Variants in CCDC39 observed in about 807,000 individuals in gnomAD.
CCDC39 encodes coiled-coil domain-containing protein 39.
Under a neutral mutation model 121.0 loss-of-function variants are expected in CCDC39, and 113 were observed. The observed-to-expected ratio is 0.93, with a 90% CI of 0.80 to 1.09. The LOEUF is 1.09. Ranked by LOEUF, CCDC39 falls within the 50% of genes least tolerant of loss-of-function variation. The pLI is 0.00. For missense variants in CCDC39, 1,063 were observed against 1,074.7 expected (o/e 0.99, Z 0.15); for synonymous variants, 349 against 352.2 (o/e 0.99, Z 0.10).
chr3:180,620,043 G>A, intron 14 of CCDC39, 73 bp from the exon 15 acceptor site: 1 of 1,199,232 alleles, frequency 8.3e-7, no homozygotes, highest in Non-Finnish European at 1.1e-6. Flanking sequence ...GGCTGTCTTT[G>A]GAGCAGAAAA....
intron 1 of CCDC39, among the ~76,000 whole-genome samples, chr3:180,670,981 G>C (rs570345280): frequency 2.0e-5 from 3 of 152,184 alleles, no homozygotes; most frequent in African/African-American, 7.2e-5. Context: ...GGAGGCCAAG[G>C]CTGGCAGATC....
intron 6 of CCDC39, among the ~76,000 whole-genome samples, chr3:180,658,031 C>T (rs1380139702): frequency 4.0e-5 from 6 of 149,630 alleles, no homozygotes; most frequent in African/African-American, 1.5e-4. Context: ...GTCAGGAGTT[C>T]GAGACCAGCC....
At chr3:180,615,950 T>C (rs961821666) in intron 19 of CCDC39, among the ~76,000 whole-genome samples, 1 of 152,174 alleles carries the variant, frequency 6.6e-6, no homozygotes, top group African/African-American at 2.4e-5. Context: ...TTTAAAAAAA[T>C]TCCCCCAACT....
At chr3:180,615,955 C>T (rs986879985) in intron 19 of CCDC39, among the ~76,000 whole-genome samples, 2 of 152,144 alleles carry the variant, frequency 1.3e-5, no homozygotes, top group African/African-American at 4.8e-5. Context: ...AAAAATTCCC[C>T]CAACTTGGGG....
chr3:180,652,293 T>C (rs1211563308), intron 7 of CCDC39, 27 bp from the exon 8 acceptor site: 3 of 1,285,820 alleles, frequency 2.3e-6, no homozygotes, highest in South Asian at 1.5e-5. Flanking sequence ...AGACAGAAAT[T>C]ATATATTTAC....
chr3:180,654,632 A>G (rs1187531616), intron 7 of CCDC39, 130 bp downstream of exon 7: 49 of 561,248 alleles, frequency 8.7e-5, no homozygotes, highest in Non-Finnish European at 1.3e-4. Flanking sequence ...ATTAAAAAAA[A>G]AAAAAGAAAA....
intron 1 of CCDC39, among the ~76,000 whole-genome samples, chr3:180,666,311 AG>A (rs1711876072): frequency 6.6e-6 from 1 of 152,212 alleles, no homozygotes; most frequent in South Asian, 2.1e-4. Flanking sequence ...GTTTTGGTAT[AG>A]TACATGATCC....
At chr3:180,636,239 A>G (rs1302510519) in intron 13 of CCDC39, among the ~76,000 whole-genome samples, 1 of 152,230 alleles carries the variant, frequency 6.6e-6, no homozygotes, top group Non-Finnish European at 1.5e-5. Flanking sequence ...TTCAGCTGAT[A>G]GACAACTTCA....
At position 180,661,964 on chromosome 3, in the gene CCDC39, T is replaced by C. The variant is rs1711754224; in HGVS notation, c.254A>G (p.His85Arg). The change falls in exon 3 of 20, where the codon CAT becomes CGT. Residue 85 changes from histidine (H) to arginine (R), a missense_variant. Physicochemically the swap from His to Arg is conservative, Grantham distance 29. Transcript: ENST00000476379. ...ARERETESEEHFKAIAQRELG... is the reference protein window; with the variant it reads ...ARERETESEERFKAIAQRELG... ...TTCTCTTTGAGCAATGGCCTTAAAA[T>C]GTTCTTCACTTTCAGTCTCACGCTC... is the stretch of plus-strand genomic sequence containing the variant. The C allele has an allele frequency of 2.6e-6, 4 of 1,558,976 alleles. No homozygotes were observed. In the East Asian group the frequency reaches 7.1e-5, roughly 28 times the overall value.
At chr3:180,620,225 T>C (rs1440035279) in intron 14 of CCDC39, among the ~76,000 whole-genome samples, 3 of 151,856 alleles carry the variant, frequency 2.0e-5, no homozygotes, top group African/African-American at 7.3e-5. Context: ...CCAAAGCTTA[T>C]ATAAAAATTT....
At chr3:180,674,405 A>G (rs915572642) in intron 1 of CCDC39, among the ~76,000 whole-genome samples, 31 of 152,288 alleles carry the variant, frequency 2.0e-4, no homozygotes, top group African/African-American at 7.2e-4. Context: ...TTCTAGATAT[A>G]CAATCATGTC....
chr3:180,648,338 G>A lies in CCDC39; in HGVS notation c.1189C>T (p.Leu397Phe). 2 of 1,568,992 alleles carry A rather than the reference G, an allele frequency of 1.3e-6. No individual in the cohort carries two copies. Among genetic ancestry groups the A allele is most frequent in the South Asian group, 1.2e-5 (1 of 82,692 alleles). ...DVKEVDVQLNLIKGVLFKKAQ... is the reference protein window; with the variant it reads ...DVKEVDVQLNFIKGVLFKKAQ... ...TTCTTAAACAGCACACCTTTTATGA[G>A]GTTCAGTTGAACATCTACTTCCTGA... Residue 397 changes from leucine (L) to phenylalanine (F), a missense_variant, in exon 10 of 20, where the codon CTC (leucine) becomes TTC (phenylalanine). By Grantham distance (22) the Leu-to-Phe change is conservative. Coordinates refer to ENST00000476379, the MANE Select transcript of CCDC39 (RefSeq NM_181426.2).
At chr3:180,615,201 G>C (rs878929486) in intron 19 of CCDC39, 124 bp from the exon 20 acceptor site, 6 of 648,562 alleles carry the variant, frequency 9.3e-6, no homozygotes, top group Non-Finnish European at 2.5e-6. Context: ...CATATTAATA[G>C]TGTTAAGTTT....
rs747263434 is a variant in CCDC39, at chr3:180,642,120, G to T, written c.1747C>A (p.Leu583Ile). 1.9e-6 allele frequency: 3 copies of T among 1,612,754 alleles called. No homozygotes were observed. In the African/African-American group the frequency reaches 4.0e-5, roughly 22 times the overall value. ...EMLHSKAEEV[L>I]SLEKRKQQLY... The stretch of plus-strand genomic sequence containing the variant: ...TGCTGTTTTCTTTTTTCTAGGGAAA[G>T]AACTTCTTCTGCCTTACTGTGAAGC... The change falls in exon 13 of 20, where the codon CTT becomes ATT. Residue 583 changes from leucine to isoleucine, a missense_variant. By Grantham distance (5) the Leu-to-Ile change is conservative. Transcript: ENST00000476379.
chr3:180,679,392 G>T lies in CCDC39; in HGVS notation c.-12C>A, dbSNP rs1304940425. 3 of 1,610,970 alleles carry T rather than the reference G, an allele frequency of 1.9e-6. No individual in the cohort carries two copies. The East Asian group carries it at 6.7e-5, about 36-fold the overall frequency. On this transcript the variant is annotated 5_prime_UTR_variant, in exon 1 of 20. Transcript: ENST00000476379. The surrounding 1 kb of genome is among the most constrained non-coding windows in gnomAD (Gnocchi z 4.0). ...AATTCGCTACTCATGACTGCAAACG[G>T]ATAGAGAAGATACAGAGCAAAGATC...
In CCDC39 at chr3:180,659,510, C is replaced by T. The variant is rs1425195519; in HGVS notation, c.680G>A (p.Trp227Ter). ...CTGCATCTGTTCTATTGTGTTCTCC[C>T]ATTGTTTAATGAGTTCTTGTCTTTC... ...HNERQELIKQ[W>*]ENTIEQMQKR... Residue 227 changes from tryptophan to a stop codon, truncating the protein, a stop_gained, in exon 6 of 20, where the codon TGG becomes TAG. Transcript: ENST00000476379. LOFTEE classifies it high-confidence loss of function. 1 of 1,613,490 alleles carries T rather than the reference C, an allele frequency of 6.2e-7. No individual in the cohort carries two copies. The highest frequency in any genetic ancestry group is 1.7e-5 in the Admixed American group (1 of 60,010).
At chr3:180,620,861 G>A (rs1278661172) in intron 14 of CCDC39, among the ~76,000 whole-genome samples, 1 of 151,794 alleles carries the variant, frequency 6.6e-6, no homozygotes, top group Non-Finnish European at 1.5e-5. Flanking sequence ...ACCTATCATT[G>A]GAATACTGTA....
chr3:180,663,550 A>T (rs1268542593), intron 2 of CCDC39, among the ~76,000 whole-genome samples: 1 of 151,786 alleles, frequency 6.6e-6, no homozygotes, highest in Non-Finnish European at 1.5e-5. Context: ...GGTGCCTATA[A>T]TCCCAGCTAC....
intron 1 of CCDC39, among the ~76,000 whole-genome samples, chr3:180,673,919 C>A (rs955657910): frequency 4.6e-5 from 7 of 151,598 alleles, no homozygotes; most frequent in Non-Finnish European, 1.0e-4. Context: ...GACTGGCAAT[C>A]TAGGATGCAA....
Sources: gnomAD v4.1 joint callset for allele counts (sites outside exome capture counted in the v4.1 genomes callset) on GRCh38, gnomAD v4.1.1 for gene constraint, Gnocchi (gnomAD v3.1) non-coding constraint, MANE v1.5 for transcripts, NCBI Gene and HGNC (gene_info 2026-07-23, HGNC 2026-07-21) for gene names.